Variants in DNAH11 observed in about 807,000 individuals in gnomAD.
DNAH11 encodes axonemal beta dynein heavy chain 11.
In DNAH11, 442 loss-of-function variants were observed where a neutral mutation model predicts 526.0. The observed-to-expected ratio is 0.84, with a 90% CI of 0.78 to 0.91. The LOEUF is 0.91. Among genes scored for constraint, DNAH11 ranks in the 40% least tolerant of loss-of-function variants. The pLI, the probability that DNAH11 is intolerant of heterozygous loss-of-function variation, is 0.00. For synonymous variants in DNAH11, 2,461 were observed against 1,935.9 expected (o/e 1.27, Z -7.12); for missense variants, 6,989 against 5,448.7 (o/e 1.28, Z -8.90).
intron 21 of DNAH11, 126 bp downstream of exon 21, chr7:21,615,398 C>T (rs1174952135): frequency 4.0e-6 from 4 of 993,268 alleles, no homozygotes; most frequent in Non-Finnish European, 5.6e-6. Flanking sequence ...TAGATCCTCA[C>T]CCCAGCCCCA....
intron 39 of DNAH11, among the ~76,000 whole-genome samples, chr7:21,706,853 T>C (rs541127691): frequency 4.7e-4 from 71 of 152,322 alleles, no homozygotes; most frequent in African/African-American, 1.7e-3. Flanking sequence ...CCACAGCTTT[T>C]CAAAGGAGCA....
chr7:21,602,029 A>G (rs1785110528), intron 18 of DNAH11, among the ~76,000 whole-genome samples: 1 of 151,984 alleles, frequency 6.6e-6, no homozygotes, highest in Non-Finnish European at 1.5e-5. Context: ...TTGCAAACGT[A>G]TCATGGATTT....
intron 81 of DNAH11, chr7:21,900,803 A>C (rs1784768689): frequency 1.5e-6 from 1 of 667,074 alleles, no homozygotes; most frequent in South Asian, 3.3e-5. Context: ...ACCACTACGC[A>C]TGGAAGCAAA....
chr7:21,683,992 G>T, intron 32 of DNAH11, 48 bp downstream of exon 32: 1 of 1,587,636 alleles, frequency 6.3e-7, no homozygotes, highest in South Asian at 1.1e-5. Flanking sequence ...ACCCAAAAAA[G>T]TCCCCTAGTG....
chr7:21,824,946 A>G (rs1790210881), intron 65 of DNAH11, among the ~76,000 whole-genome samples: 1 of 152,124 alleles, frequency 6.6e-6, no homozygotes, highest in Non-Finnish European at 1.5e-5. Context: ...ATCTTGGCTC[A>G]TTGCAACCTC....
chr7:21,694,548 C>T (rs60365606), intron 35 of DNAH11, among the ~76,000 whole-genome samples: 1,842 of 152,224 alleles, frequency 0.012, 23 homozygotes, highest in African/African-American at 0.04. Flanking sequence ...TTTATGGCTG[C>T]GTAGTATTCC....
At chr7:21,868,440 A>T (rs555182123) in intron 72 of DNAH11, among the ~76,000 whole-genome samples, 1 of 152,174 alleles carries the variant, frequency 6.6e-6, no homozygotes, top group Non-Finnish European at 1.5e-5. Context: ...ACTGTGCTCA[A>T]TTTAAATGCA....
At chr7:21,657,945 G>A (rs1244143655) in intron 29 of DNAH11, among the ~76,000 whole-genome samples, 1 of 152,106 alleles carries the variant, frequency 6.6e-6, no homozygotes, top group South Asian at 2.1e-4. Flanking sequence ...GAAGTCAGTT[G>A]TATCATCTTC....
At chr7:21,619,767 C>T (rs1785950832) in intron 24 of DNAH11, among the ~76,000 whole-genome samples, 189 bp from the exon 25 acceptor site, 1 of 152,118 alleles carries the variant, frequency 6.6e-6, no homozygotes, top group Non-Finnish European at 1.5e-5. Context: ...GATGCTCATA[C>T]CTTTGATGTG....
intron 2 of DNAH11, among the ~76,000 whole-genome samples, chr7:21,549,639 A>G (rs941268669): frequency 2.0e-5 from 3 of 152,154 alleles, no homozygotes; most frequent in African/African-American, 7.2e-5. Context: ...TGATGAGTAT[A>G]GGATTGCGTT....
intron 65 of DNAH11, among the ~76,000 whole-genome samples, chr7:21,818,874 A>G (rs1789931019): frequency 6.6e-6 from 1 of 152,172 alleles, no homozygotes; most frequent in Non-Finnish European, 1.5e-5. Context: ...ATTGTCAACA[A>G]CAGAGAAATA....
chr7:21,757,679 C>G (rs1470791062), intron 54 of DNAH11, among the ~76,000 whole-genome samples: 1 of 152,158 alleles, frequency 6.6e-6, no homozygotes, highest in East Asian at 1.9e-4. Flanking sequence ...TAATTCACAG[C>G]TAAAGTCTGG....
At position 21,749,662 on chromosome 7, in the gene DNAH11, T is replaced by C. The variant is rs146407403; in HGVS notation, c.8674-16T>C. The C allele has an allele frequency of 1.2e-6, 2 of 1,613,608 alleles. No individual in the cohort carries two copies. The highest frequency in any genetic ancestry group is 2.2e-5 in the East Asian group (1 of 44,882). ...CAGCATTTTAACAAAACATGAGTGA[T>C]GGCCTTTCCTTACAGGTAGATCTTG... On this transcript the variant is annotated splice_polypyrimidine_tract_variant and intron_variant, in intron 52 of 81. Coordinates refer to ENST00000409508, the MANE Select transcript of DNAH11 (RefSeq NM_001277115.2).
At chr7:21,662,554 A>T (rs955147689) in intron 30 of DNAH11, among the ~76,000 whole-genome samples, 1 of 152,148 alleles carries the variant, frequency 6.6e-6, no homozygotes, top group Non-Finnish European at 1.5e-5. Context: ...TGTATGTATG[A>T]TGGAATGGCT....
At chr7:21,700,722 A>G (rs955804415) in intron 36 of DNAH11, among the ~76,000 whole-genome samples, 7 of 152,210 alleles carry the variant, frequency 4.6e-5, no homozygotes, top group African/African-American at 9.7e-5. Context: ...ATGGCCATCA[A>G]TGATAGACTG....
At chr7:21,796,257 G>A (rs1299042583) in intron 61 of DNAH11, among the ~76,000 whole-genome samples, 2 of 152,154 alleles carry the variant, frequency 1.3e-5, no homozygotes, top group Admixed American at 1.3e-4. Context: ...GTGGGCCCTA[G>A]CAGAATAAAC....
chr7:21,899,470 C>T (rs776210974), intron 80 of DNAH11, 22 bp downstream of exon 80: 1 of 1,581,980 alleles, frequency 6.3e-7, no homozygotes, highest in Non-Finnish European at 8.7e-7. Flanking sequence ...CGCAGTGCAG[C>T]CCCTGATGCA....
At chr7:21,546,606 C>G (rs1360846444) in intron 2 of DNAH11, among the ~76,000 whole-genome samples, 1 of 152,140 alleles carries the variant, frequency 6.6e-6, no homozygotes, top group African/African-American at 2.4e-5. Context: ...AAAAGGTATG[C>G]CTGCTCCTCA....
intron 48 of DNAH11, 109 bp downstream of exon 48, chr7:21,739,782 G>A (rs1785793269): frequency 1.3e-6 from 1 of 797,882 alleles, no homozygotes; most frequent in South Asian, 1.9e-5. Flanking sequence ...TCTCATGGCA[G>A]CTGTACTATA....
Sources: allele counts gnomAD v4.1 joint callset (sites outside exome capture counted in the v4.1 genomes callset), GRCh38; gene constraint gnomAD v4.1.1; transcripts MANE v1.5; gene names NCBI Gene and HGNC (gene_info 2026-07-23, HGNC 2026-07-21).